The following SLIT3 variants were observed in gnomAD, a reference collection of about 807,000 sequenced individuals.
SLIT3 encodes the protein slit homolog 3 protein.
A neutral mutation model predicts 184.0 loss-of-function variants in SLIT3; 68 were observed. The ratio of observed to expected loss-of-function variants is 0.37; its 90% CI spans 0.30 to 0.45. SLIT3 has a LOEUF of 0.45. Ranked by LOEUF, SLIT3 falls within the 20% of genes least tolerant of loss-of-function variation. The probability of loss-of-function intolerance (pLI) is 1.00; values close to 1 mark genes in which losing one functional copy is unlikely to be tolerated. For synonymous variants in SLIT3, 831 were observed against 828.6 expected, an observed-to-expected ratio of 1.00 and a Z score of -0.05; for missense variants, 1,707 against 2,026.0, an observed-to-expected ratio of 0.84 and a Z score of 3.02.
rs568936331 is a variant in SLIT3 at position 169,212,442 on chromosome 5, C to T, written c.342-18892G>A. Among the ~76,000 whole-genome samples, 6 of 150,262 alleles carry T rather than the reference C, an allele frequency of 4.0e-5. No individual in the cohort carries two copies. In the South Asian group the frequency reaches 1.3e-3, roughly 32 times the overall value. Reference sequence around the variant, plus strand: ...CTTTTGAGAAGCGTCTGTTCATATCCTTTGCCCACTTTTTGTTGGGGTTGT... The same window carrying T: ...CTTTTGAGAAGCGTCTGTTCATATCTTTTGCCCACTTTTTGTTGGGGTTGT... On this transcript the variant is annotated intron_variant, in intron 3 of 35. Coordinates refer to ENST00000519560, the MANE Select transcript of SLIT3 (RefSeq NM_003062.4).
At chr5:168,774,536 C>G (rs1003391301) in intron 12 of SLIT3, among the ~76,000 whole-genome samples, 158 bp from the exon 13 acceptor site, 3 of 152,194 alleles carry the variant, frequency 2.0e-5, no homozygotes, top group Non-Finnish European at 4.4e-5. Flanking sequence ...ACCTGCCTTC[C>G]TGTGTCTACC....
chr5:169,235,402 A>T (rs1208972850), intron 3 of SLIT3, among the ~76,000 whole-genome samples: 1 of 152,220 alleles, frequency 6.6e-6, no homozygotes, highest in Non-Finnish European at 1.5e-5. Context: ...AAAACTTTTT[A>T]TATTAGAATA....
At chr5:169,173,725 A>G (rs1010013888) in intron 4 of SLIT3, among the ~76,000 whole-genome samples, 2 of 152,222 alleles carry the variant, frequency 1.3e-5, no homozygotes, top group African/African-American at 2.4e-5. Context: ...ATTAAATTGC[A>G]TGGCACTCTA....
At chr5:168,890,736 C>T (rs1314154450) in intron 4 of SLIT3, among the ~76,000 whole-genome samples, 1 of 152,080 alleles carries the variant, frequency 6.6e-6, no homozygotes, top group Non-Finnish European at 1.5e-5. Context: ...CTTATTGGAG[C>T]TTGGCGATAA....
At chr5:168,733,266 T>C (rs112845128) in intron 20 of SLIT3, among the ~76,000 whole-genome samples, 6 of 152,066 alleles carry the variant, frequency 3.9e-5, no homozygotes, top group African/African-American at 1.4e-4. Flanking sequence ...AGAATGACCA[T>C]TATTAAAAAG....
intron 20 of SLIT3, among the ~76,000 whole-genome samples, chr5:168,736,863 T>C (rs995297251): frequency 1.1e-4 from 17 of 152,216 alleles, no homozygotes; most frequent in Non-Finnish European, 8.8e-5. Flanking sequence ...CTTGAGTCTA[T>C]AGTCTGCTGC....
chr5:168,698,401 G>GA (rs1226055866), intron 27 of SLIT3, among the ~76,000 whole-genome samples: 1 of 152,152 alleles, frequency 6.6e-6, no homozygotes, highest in Non-Finnish European at 1.5e-5. Context: ...AGCAGACACA[G>GA]AGAGAGCACT....
At chr5:168,774,136 G>C (rs867690795) in intron 13 of SLIT3, 99 bp downstream of exon 13, 28 of 1,190,670 alleles carry the variant, frequency 2.4e-5, no homozygotes, top group Non-Finnish European at 3.1e-5. Context: ...ACTCCTCCTG[G>C]ATGTGCTCGT....
chr5:169,001,237 G>T (rs1261670221), intron 4 of SLIT3, among the ~76,000 whole-genome samples: 1 of 152,060 alleles, frequency 6.6e-6, no homozygotes, highest in Non-Finnish European at 1.5e-5. Context: ...CCAGCTCATC[G>T]CCACTGTCCG....
chr5:168,697,997 T>C (rs1379987663), intron 27 of SLIT3, among the ~76,000 whole-genome samples: 4 of 152,190 alleles, frequency 2.6e-5, no homozygotes, highest in Non-Finnish European at 4.4e-5. Flanking sequence ...GATGTCTCCC[T>C]GTCTTCATTG....
chr5:169,028,549 G>A (rs1446429591), intron 4 of SLIT3, among the ~76,000 whole-genome samples: 2 of 152,208 alleles, frequency 1.3e-5, no homozygotes, highest in Non-Finnish European at 2.9e-5. Flanking sequence ...CACATAGTTG[G>A]CACTTAATAA....
chr5:169,184,258 C>A (rs1260698533), intron 4 of SLIT3, among the ~76,000 whole-genome samples: 2 of 152,166 alleles, frequency 1.3e-5, no homozygotes, highest in Non-Finnish European at 2.9e-5. Flanking sequence ...TATCCCTCTC[C>A]CATTCAAGAT....
chr5:169,061,281 G>A lies in SLIT3; in HGVS notation c.413+132198C>T, dbSNP rs78696265. On this transcript the variant is annotated intron_variant, in intron 4 of 35. Coordinates refer to ENST00000519560, the MANE Select transcript of SLIT3 (RefSeq NM_003062.4). ...GCAGTTTGGTCCAAGGGACCAGGGA[G>A]AGTGAAGCTCTGACCGATGTCTCTC... Among the ~76,000 whole-genome samples, 434 of 152,298 alleles carry A rather than the reference G, an allele frequency of 2.8e-3. 7 individuals carry two copies. The highest frequency in any genetic ancestry group is 3.7e-3 in the Non-Finnish European group (253 of 68,022).
chr5:168,672,493 A>G (rs1485783117), intron 33 of SLIT3, among the ~76,000 whole-genome samples: 1 of 152,082 alleles, frequency 6.6e-6, no homozygotes, highest in Non-Finnish European at 1.5e-5. Flanking sequence ...TTGTTGTTTT[A>G]AAGACAAGGT....
chr5:169,107,765 C>T (rs764603484), intron 4 of SLIT3, among the ~76,000 whole-genome samples: 1 of 152,244 alleles, frequency 6.6e-6, no homozygotes, highest in Non-Finnish European at 1.5e-5. Flanking sequence ...TCAGTTCTTC[C>T]AATGTCTCTC....
At chr5:169,157,649 T>A (rs573290673) in intron 4 of SLIT3, among the ~76,000 whole-genome samples, 3 of 152,254 alleles carry the variant, frequency 2.0e-5, no homozygotes, top group East Asian at 3.9e-4. Context: ...AATGTCCAGT[T>A]TCAATAGAAA....
chr5:169,032,922 A>ATTTTTTTT (rs199911562), intron 4 of SLIT3, among the ~76,000 whole-genome samples: 5 of 88,130 alleles, frequency 5.7e-5, no homozygotes, highest in South Asian at 4.2e-4. Flanking sequence ...TTTTTCCTTG[A>ATTTTTTTT]TTTTTTTTTT....
Position 169,300,847 on chromosome 5 carries a change from T to C in SLIT3, c.-138A>G. The C allele has an allele frequency of 3.5e-6, 3 of 865,466 alleles. No homozygotes were observed. Among genetic ancestry groups the C allele is most frequent in the South Asian group, 1.1e-4 (2 of 17,652 alleles). The allele number at this position is 865,466 out of a possible 1,614,324, so 53.6% of individuals were successfully genotyped here. ...CGCGGAGGAGGGGCGAGCTCGGTGC[T>C]CAGGCGCACGGGGCGCGGGCGGAGC... On this transcript the variant is annotated 5_prime_UTR_variant, in exon 1 of 36. It removes the in-frame stop codon of an upstream open reading frame in the 5' UTR. Coordinates refer to ENST00000519560, the MANE Select transcript of SLIT3 (RefSeq NM_003062.4). The surrounding 1 kb of genome is among the most constrained non-coding windows in gnomAD (Gnocchi z 4.1).
At chr5:168,972,345 G>GTGTGTGTGTGTGTGTGTGTA (rs1754606261) in intron 4 of SLIT3, among the ~76,000 whole-genome samples, 1 of 149,718 alleles carries the variant, frequency 6.7e-6, no homozygotes, top group Admixed American at 6.6e-5. Context: ...ACATGTGTGT[G>GTGTGTGTGTGTGTGTGTGTA]TGTGTGTGTG....
Sources: gnomAD v4.1 joint callset for allele counts (sites outside exome capture counted in the v4.1 genomes callset) on GRCh38, gnomAD v4.1.1 for gene constraint, Gnocchi (gnomAD v3.1) non-coding constraint, MANE v1.5 for transcripts, NCBI Gene and HGNC (gene_info 2026-07-23, HGNC 2026-07-21) for gene names.